The following CCDC170 variants were observed in gnomAD, a reference collection of about 807,000 sequenced individuals.
CCDC170 encodes coiled-coil domain containing 170.
CCDC170 carries 69 observed loss-of-function variants against 72.6 expected under a neutral mutation model. The observed-to-expected ratio is 0.95, with a 90% CI of 0.78 to 1.16. The LOEUF (loss-of-function observed/expected upper bound fraction) is 1.16, where lower values mean the gene tolerates loss of function less well. Ranked by LOEUF, CCDC170 falls within the 50% of genes most tolerant of loss-of-function variation. CCDC170 has a pLI of 0.00. For synonymous variants in CCDC170, 300 were observed against 303.9 expected (o/e 0.99, Z 0.13); for missense variants, 852 against 832.5 (o/e 1.02, Z -0.29).
At chr6:151,524,929 CTTTTTT>C (rs34288029) in intron 1 of CCDC170, among the ~76,000 whole-genome samples, 1 of 110,042 alleles carries the variant, frequency 9.1e-6, no homozygotes, top group Non-Finnish European at 1.8e-5. Flanking sequence ...TAGTCTGATT[CTTTTTT>C]TTTTTTTTTT....
chr6:151,590,676 G>A lies in CCDC170; in HGVS notation c.1294-2431G>A, dbSNP rs181315439. The stretch of plus-strand genomic sequence containing the variant: ...ATCCTTCATTTCTATGAAGTTAAAA[G>A]TTTCTAGTAACCTTAATCTTTTGAA... On this transcript the variant is annotated intron_variant, in intron 7 of 10. Transcript: ENST00000239374. 5.3e-5 allele frequency among the ~76,000 whole-genome samples: 8 copies of A among 152,284 alleles called. No homozygotes were observed. In the East Asian group the frequency reaches 7.7e-4, roughly 15 times the overall value.
At chr6:151,531,897 C>T (rs563178981) in intron 1 of CCDC170, among the ~76,000 whole-genome samples, 1 of 152,260 alleles carries the variant, frequency 6.6e-6, no homozygotes, top group South Asian at 2.1e-4. Context: ...GGGGTAACTG[C>T]CCCCCATGAT....
intron 1 of CCDC170, among the ~76,000 whole-genome samples, chr6:151,521,630 T>C (rs1001623576): frequency 1.3e-5 from 2 of 152,108 alleles, no homozygotes; most frequent in East Asian, 3.9e-4. Context: ...ACCCAGGAAA[T>C]AGACCAAGGA....
rs565434887 is a variant in CCDC170, at chr6:151,603,685, C to G, written c.1710+7108C>G. On this transcript the variant is annotated intron_variant, in intron 9 of 10. Coordinates refer to ENST00000239374, the MANE Select transcript of CCDC170 (RefSeq NM_025059.4). ...TTCCCTTCTCACTGGAAAGAAGCAC[C>G]TGGTGACCTCAGTTTTCAACCTTCT... Among the ~76,000 whole-genome samples the G allele has an allele frequency of 7.9e-4, 120 of 152,262 alleles. 1 individual carries two copies. The South Asian group carries it at 0.024, about 30-fold the overall frequency.
At chr6:151,612,001 G>A (rs528251554) in intron 9 of CCDC170, among the ~76,000 whole-genome samples, 9 of 152,212 alleles carry the variant, frequency 5.9e-5, no homozygotes, top group Non-Finnish European at 8.8e-5. Flanking sequence ...GAGCCACTGC[G>A]CCTGGCCAAA....
chr6:151,512,552 A>G (rs2115026731), intron 1 of CCDC170, among the ~76,000 whole-genome samples: 1 of 152,350 alleles, frequency 6.6e-6, no homozygotes, highest in East Asian at 1.9e-4. Context: ...TACAAACCCC[A>G]GGGTAAAAGC....
At chr6:151,614,422 C>G (rs1583052874) in intron 9 of CCDC170, among the ~76,000 whole-genome samples, 1 of 152,006 alleles carries the variant, frequency 6.6e-6, no homozygotes, top group African/African-American at 2.4e-5. Context: ...CAAGGCTCAT[C>G]CATGTTGTAG....
chr6:151,497,952 C>CAAAAAAAAAAAAA (rs59201906), intron 1 of CCDC170, among the ~76,000 whole-genome samples: 3 of 58,048 alleles, frequency 5.2e-5, no homozygotes, highest in South Asian at 7.1e-4. Flanking sequence ...CACACCATCT[C>CAAAAAAAAAAAAA]AAAAAAAAAA....
intron 1 of CCDC170, among the ~76,000 whole-genome samples, chr6:151,517,307 G>C (rs1435883400): frequency 6.6e-6 from 1 of 152,060 alleles, no homozygotes; most frequent in Non-Finnish European, 1.5e-5. Flanking sequence ...ACTCCATCCT[G>C]GGCAACAAGA....
intron 6 of CCDC170, among the ~76,000 whole-genome samples, chr6:151,584,772 C>G (rs1776428864): frequency 6.6e-6 from 1 of 152,128 alleles, no homozygotes; most frequent in South Asian, 2.1e-4. Context: ...AGAACAAATC[C>G]TTTTGTTCTC....
chr6:151,528,700 T>C (rs958214870), intron 1 of CCDC170, among the ~76,000 whole-genome samples: 2 of 152,032 alleles, frequency 1.3e-5, no homozygotes, highest in East Asian at 1.9e-4. Context: ...TAGCCAAATG[T>C]GGTGGCGCAT....
intron 1 of CCDC170, among the ~76,000 whole-genome samples, chr6:151,527,050 ATTTT>A (rs56941290): frequency 1.4e-5 from 1 of 69,682 alleles, no homozygotes; most frequent in Admixed American, 2.0e-4. Context: ...ATGCTTAGCT[ATTTT>A]TTTTTTTTTT....
Position 151,596,352 on chromosome 6 carries a change from G to C in CCDC170, c.1485G>C (p.Glu495Asp). ...CAAACCAGCTAAAGACACAGAAAGA[G>C]AGACTGGAGAGCAAAGAATTACACA... ...NLQRKLKTQK[E>D]RLESKELHMS... The change falls in exon 9 of 11, where the codon GAG (glutamate) becomes GAC (aspartate). Residue 495 changes from glutamate to aspartate, a missense_variant. Transcript: ENST00000239374. 6.2e-7 allele frequency: 1 copy of C among 1,612,724 alleles called. No homozygotes were observed. Among genetic ancestry groups the C allele is most frequent in the Non-Finnish European group, 8.5e-7 (1 of 1,179,588 alleles).
In CCDC170 at chr6:151,573,290, C is replaced by T. The variant is rs751448922; in HGVS notation, c.891C>T (p.Leu297=). ...ATGCCTCAAAGCAGGAAGTGAGCCTCCTGAAGAAAAGCTCTTCTGAGTTGG... is the reference window on the plus strand; with the variant it reads ...ATGCCTCAAAGCAGGAAGTGAGCCTTCTGAAGAAAAGCTCTTCTGAGTTGG... ...VWDASKQEVS[L]LKKSSSELEK... Residue 297 remains leucine, a synonymous_variant, in exon 6 of 11, where the codon CTC becomes CTT. Coordinates refer to ENST00000239374, the MANE Select transcript of CCDC170 (RefSeq NM_025059.4). 6.2e-7 allele frequency: 1 copy of T among 1,614,140 alleles called. No homozygotes were observed. The highest frequency in any genetic ancestry group is 1.6e-4 in the Middle Eastern group (1 of 6,062).
intron 2 of CCDC170, 144 bp from the exon 3 acceptor site, chr6:151,537,901 A>G (rs1782616165): frequency 2.5e-6 from 2 of 802,288 alleles, no homozygotes; most frequent in Non-Finnish European, 3.8e-6. Context: ...GGTAATACAG[A>G]TACAAATATT....
chr6:151,499,486 A>C (rs113575472), intron 1 of CCDC170, among the ~76,000 whole-genome samples: 114 of 93,862 alleles, frequency 1.2e-3, no homozygotes, highest in East Asian at 8.1e-3. Context: ...GTATTTGACT[A>C]TTCTAGGCAC....
chr6:151,573,148 G>A (rs758383966), intron 5 of CCDC170, 26 bp from the exon 6 acceptor site: 1 of 1,586,750 alleles, frequency 6.3e-7, no homozygotes, highest in South Asian at 1.1e-5. Context: ...TAATGGTATT[G>A]TCTTCACTTT....
At chr6:151,605,098 A>G (rs1156478702) in intron 9 of CCDC170, among the ~76,000 whole-genome samples, 1 of 152,022 alleles carries the variant, frequency 6.6e-6, no homozygotes, top group African/African-American at 2.4e-5. Flanking sequence ...CTCTGCATCT[A>G]TGCACTCAAC....
intron 5 of CCDC170, among the ~76,000 whole-genome samples, chr6:151,558,901 T>G (rs747829180): frequency 4.6e-5 from 7 of 152,210 alleles, no homozygotes; most frequent in Non-Finnish European, 8.8e-5. Flanking sequence ...CAATAGAAAT[T>G]TTATGATTTT....
Sources: allele counts gnomAD v4.1 joint callset (sites outside exome capture counted in the v4.1 genomes callset), GRCh38; gene constraint gnomAD v4.1.1; transcripts MANE v1.5; gene names NCBI Gene and HGNC (gene_info 2026-07-23, HGNC 2026-07-21).